Variants in ARHGEF4 observed in about 807,000 individuals in gnomAD.
ARHGEF4 encodes the protein APC-stimulated guanine nucleotide exchange factor 1.
A neutral mutation model predicts 162.0 loss-of-function variants in ARHGEF4; 119 were observed. The ratio of observed to expected loss-of-function variants is 0.73; its 90% CI spans 0.63 to 0.86. ARHGEF4 has a LOEUF of 0.86. ARHGEF4 is among the 40% of genes least tolerant of loss of function. The pLI is 0.00. For missense variants in ARHGEF4, 2,488 were observed against 2,456.0 expected, an observed-to-expected ratio of 1.01 and a Z score of -0.28; for synonymous variants, 1,014 against 979.9, an observed-to-expected ratio of 1.03 and a Z score of -0.65.
At chr2:130,962,668 G>T (rs1322516196) in intron 4 of ARHGEF4, among the ~76,000 whole-genome samples, 2 of 152,124 alleles carry the variant, frequency 1.3e-5, no homozygotes, top group African/African-American at 2.4e-5. Flanking sequence ...CAGTTTTCTA[G>T]CACCCACCCT....
intron 4 of ARHGEF4, among the ~76,000 whole-genome samples, chr2:130,986,053 T>A (rs1472357090): frequency 6.6e-6 from 1 of 151,938 alleles, no homozygotes; most frequent in Admixed American, 6.6e-5. Flanking sequence ...GTATAGTATA[T>A]GTTATGTGTG....
Position 130,914,701 on chromosome 2 carries a change from T to G in ARHGEF4, c.755T>G (p.Val252Gly). 7.2e-7 allele frequency: 1 copy of G among 1,398,490 alleles called. No individual in the cohort carries two copies. The highest frequency in any genetic ancestry group is 1.8e-5 in the South Asian group (1 of 55,878). The allele number at this position is 1,398,490 out of a possible 1,614,324, so 86.6% of individuals were successfully genotyped here. A position where few individuals can be genotyped will look rare whatever the true frequency, so the allele number is the denominator to read the frequency against. ...ATCCACAACAGGGCCAGGGCACTGG[T>G]GCTACCTAGCAGAGGCCCACTGGAC... ...PHIHNRARAL[V>G]LPSRGPLDNT... Residue 252 changes from valine to glycine, a missense_variant, in exon 2 of 14, where the codon GTG becomes GGG. This residue lies in a region of ARHGEF4 where 1,642 missense variants were observed against 1,481.5 expected (regional missense o/e 1.11). Transcript: ENST00000409359.
At chr2:130,877,935 G>T (rs1455558610) in intron 1 of ARHGEF4, among the ~76,000 whole-genome samples, 1 of 152,160 alleles carries the variant, frequency 6.6e-6, no homozygotes, top group African/African-American at 2.4e-5. Context: ...CTGAATCTGT[G>T]TTGAATAAAT....
At chr2:130,918,067 G>A (rs76722820) in intron 2 of ARHGEF4, among the ~76,000 whole-genome samples, 4,685 of 151,054 alleles carry the variant, frequency 0.031, 224 homozygotes, top group African/African-American at 0.11. Flanking sequence ...TGATCCACCC[G>A]CCTCGGCCGG....
intron 1 of ARHGEF4, among the ~76,000 whole-genome samples, chr2:130,880,935 A>G (rs2104959151): frequency 6.6e-6 from 1 of 152,302 alleles, no homozygotes; most frequent in African/African-American, 2.4e-5. Flanking sequence ...TTACAGCTAA[A>G]TAACAGTATG....
At chr2:130,910,373 G>A (rs1340967536) in intron 1 of ARHGEF4, among the ~76,000 whole-genome samples, 1 of 152,128 alleles carries the variant, frequency 6.6e-6, no homozygotes, top group Non-Finnish European at 1.5e-5. Context: ...AATATCAGAG[G>A]ATGGCCTTTA....
intron 1 of ARHGEF4, among the ~76,000 whole-genome samples, chr2:130,889,667 C>T (rs1183714916): frequency 6.6e-6 from 1 of 150,704 alleles, no homozygotes; most frequent in Non-Finnish European, 1.5e-5. Context: ...AAAAAATTAG[C>T]TGGGTGTAGT....
intron 5 of ARHGEF4, chr2:131,035,385 C>G: frequency 1.1e-6 from 1 of 928,856 alleles, no homozygotes; most frequent in South Asian, 5.4e-5. Context: ...GTGCTCACTA[C>G]CAGGGCCTGG....
chr2:131,032,733 A>T (rs1199533605), intron 5 of ARHGEF4, among the ~76,000 whole-genome samples: 1 of 151,014 alleles, frequency 6.6e-6, no homozygotes, highest in East Asian at 1.9e-4. Context: ...CTTGCACCTC[A>T]GTCCTGCCAC....
At chr2:130,838,043 A>G (rs1320563345) in intron 1 of ARHGEF4, among the ~76,000 whole-genome samples, 1 of 152,122 alleles carries the variant, frequency 6.6e-6, no homozygotes, top group Non-Finnish European at 1.5e-5. Flanking sequence ...ATCAGCTCCC[A>G]CCCCCAGCGA....
chr2:131,035,754 C>T (rs947065168), intron 5 of ARHGEF4: 2 of 984,586 alleles, frequency 2.0e-6, no homozygotes, highest in Admixed American at 6.1e-5. Flanking sequence ...CCCTCTGCCC[C>T]CCTTGCACGT....
At chr2:130,962,276 G>A (rs72994196) in intron 4 of ARHGEF4, among the ~76,000 whole-genome samples, 1,933 of 150,976 alleles carry the variant, frequency 0.013, 37 homozygotes, top group African/African-American at 0.043. Context: ...CTGGAAGGTT[G>A]CGTGCTGGCT....
intron 4 of ARHGEF4, among the ~76,000 whole-genome samples, chr2:131,009,979 T>G (rs992093582): frequency 6.6e-6 from 1 of 152,254 alleles, no homozygotes; most frequent in Non-Finnish European, 1.5e-5. Flanking sequence ...TGTTTTGTTT[T>G]TTCCGACCTT....
At chr2:130,918,516 C>A (rs1219263289) in intron 2 of ARHGEF4, among the ~76,000 whole-genome samples, 1 of 152,218 alleles carries the variant, frequency 6.6e-6, no homozygotes, top group Non-Finnish European at 1.5e-5. Context: ...AGCCGGGGAG[C>A]GCAGGCCACA....
intron 4 of ARHGEF4, among the ~76,000 whole-genome samples, chr2:131,009,893 C>T (rs1378151808): frequency 2.0e-5 from 3 of 152,146 alleles, no homozygotes; most frequent in African/African-American, 4.8e-5. Context: ...TAGTAAATTT[C>T]GATTGTATGT....
chr2:130,977,539 G>A (rs748059634), intron 4 of ARHGEF4, among the ~76,000 whole-genome samples: 4 of 151,482 alleles, frequency 2.6e-5, no homozygotes, highest in Non-Finnish European at 5.9e-5. Flanking sequence ...TATACATTGT[G>A]TGTATGTTCT....
intron 4 of ARHGEF4, among the ~76,000 whole-genome samples, chr2:130,948,658 G>A (rs1163135468): frequency 6.6e-6 from 1 of 152,212 alleles, no homozygotes; most frequent in Admixed American, 6.5e-5. Flanking sequence ...CAGCATGTAT[G>A]CATACCAAGG....
chr2:130,914,847 T>C lies in ARHGEF4; in HGVS notation c.901T>C (p.Ser301Pro). 6.8e-7 allele frequency: 1 copy of C among 1,467,838 alleles called. No individual in the cohort carries two copies. Among genetic ancestry groups the C allele is most frequent in the Non-Finnish European group, 9.0e-7 (1 of 1,108,622 alleles). 90.9% of individuals were successfully genotyped at this position (1,467,838 alleles called of 1,614,324 possible). A position where few individuals can be genotyped will look rare whatever the true frequency, so the allele number is the denominator to read the frequency against. The change falls in exon 2 of 14, where the codon TCT becomes CCT. Residue 301 changes from serine (S) to proline (P), a missense_variant. By Grantham distance (74) the Ser-to-Pro change is moderately conservative. Around this residue, in one of 6 missense-constraint regions of ARHGEF4, gnomAD observed 1,642 missense variants for 1,481.5 expected, o/e 1.11. Coordinates refer to ENST00000409359, the MANE Select transcript of ARHGEF4 (RefSeq NM_001367493.1). ...CCCCTGCCAGCCTCCTTTGAGGACA[T>C]CTTGCCTCCTACGCACCAACCGTCA... ...DVPCQPPLRT[S>P]CLLRTNRHHS...
intron 4 of ARHGEF4, among the ~76,000 whole-genome samples, chr2:130,965,967 G>A (rs1431364646): frequency 6.6e-6 from 1 of 152,082 alleles, no homozygotes; most frequent in African/African-American, 2.4e-5. Flanking sequence ...GCAATGGCAG[G>A]GCAGGGTTTA....
Sources: gnomAD v4.1 joint callset for allele counts (sites outside exome capture counted in the v4.1 genomes callset) on GRCh38, gnomAD v4.1.1 for gene constraint, gnomAD v4.1.1 regional missense constraint, MANE v1.5 for transcripts, NCBI Gene and HGNC (gene_info 2026-07-23, HGNC 2026-07-21) for gene names.